RMDN3: variants seen among roughly 807,000 people sequenced by gnomAD.
RMDN3 encodes regulator of microtubule dynamics 3.
Under a neutral mutation model 61.8 loss-of-function variants are expected in RMDN3, and 41 were observed. The ratio of observed to expected loss-of-function variants is 0.66; its 90% CI spans 0.52 to 0.86. The LOEUF is 0.86. Ranked by LOEUF, RMDN3 falls within the 40% of genes least tolerant of loss-of-function variation. The pLI, the probability that RMDN3 is intolerant of heterozygous loss-of-function variation, is 0.00. For missense variants in RMDN3, 557 were observed against 585.3 expected, an observed-to-expected ratio of 0.95 and a Z score of 0.50; for synonymous variants, 247 against 232.0, an observed-to-expected ratio of 1.06 and a Z score of -0.59.
intron 5 of RMDN3, 126 bp downstream of exon 5, chr15:40,744,851 A>C (rs1469251528): frequency 6.6e-6 from 7 of 1,055,598 alleles, no homozygotes; most frequent in East Asian, 2.6e-5. Flanking sequence ...CAGCTGTCTC[A>C]CCATTTCTCG....
chr15:40,743,285 ATGGCATG>A (rs1244422933), intron 6 of RMDN3, among the ~76,000 whole-genome samples: 1 of 152,062 alleles, frequency 6.6e-6, no homozygotes, highest in African/African-American at 2.4e-5. Context: ...GTCGGGTATG[ATGGCATG>A]TGCTTGTAAT....
intron 3 of RMDN3, 86 bp from the exon 4 acceptor site, chr15:40,751,655 G>C: frequency 2.6e-6 from 4 of 1,566,610 alleles, no homozygotes; most frequent in Non-Finnish European, 3.5e-6. Flanking sequence ...TCTTACTACT[G>C]CTCCTCATTA....
At chr15:40,749,399 C>T (rs1897716655) in intron 4 of RMDN3, among the ~76,000 whole-genome samples, 1 of 152,186 alleles carries the variant, frequency 6.6e-6, no homozygotes. Flanking sequence ...TGCCTGTAGT[C>T]CCAGCTATTC....
intron 4 of RMDN3, among the ~76,000 whole-genome samples, chr15:40,749,513 TCAAAA>T (rs919815458): frequency 1.3e-5 from 2 of 152,126 alleles, no homozygotes; most frequent in East Asian, 1.9e-4. Flanking sequence ...AGACCCTGTC[TCAAAA>T]CAAAACAAAA....
chr15:40,737,591 C>T (rs758361710), intron 10 of RMDN3, 37 bp downstream of exon 10: 1 of 1,553,880 alleles, frequency 6.4e-7, no homozygotes, highest in South Asian at 1.1e-5. Flanking sequence ...AACAAGGTTA[C>T]CCTGGTGTTT....
rs1332953087 is a variant in RMDN3, at chr15:40,752,111, T to TTCC, written c.252_254dup (p.Glu85dup). 3.5e-5 allele frequency: 57 copies of TTCC among 1,614,174 alleles called. No individual in the cohort carries two copies. Among genetic ancestry groups the TTCC allele is most frequent in the Non-Finnish European group, 4.8e-5 (57 of 1,180,026 alleles). On this transcript the variant is annotated inframe_insertion, in exon 3 of 13. Transcript: ENST00000338376. ...GGCGGTCCAGCACCTTCTCCTGTCC[T>TTCC]TCCCGTGGAAGGCTGGGCAGCACTG...
rs371225125 is a variant in RMDN3, at chr15:40,747,753, G to A, written c.525-2494C>T. 2.6e-4 allele frequency: 40 copies of A among 152,190 alleles called. No individual in the cohort carries two copies. The East Asian group carries it at 2.9e-3, about 11-fold the overall frequency. 9.4% of individuals were successfully genotyped at this position (152,190 alleles called of 1,614,324 possible). A position where few individuals can be genotyped will look rare whatever the true frequency, so the allele number is the denominator to read the frequency against. The stretch of plus-strand genomic sequence containing the variant: ...AGAGACCCAAGGCTCCCTCTGAGCA[G>A]AGACTGCCACTCTACTCTTAAGCAG... On this transcript the variant is annotated intron_variant, in intron 4 of 12. Coordinates refer to ENST00000338376, the MANE Select transcript of RMDN3 (RefSeq NM_018145.3).
At chr15:40,751,731 G>C in intron 3 of RMDN3, 162 bp from the exon 4 acceptor site, 1 of 1,086,800 alleles carries the variant, frequency 9.2e-7, no homozygotes, top group Non-Finnish European at 1.4e-6. Flanking sequence ...GCAGCTTCCT[G>C]GGCCCAGCCC....
rs1567064648 is a variant in RMDN3, at chr15:40,744,128, G to GA, written c.828dup (p.Leu277SerfsTer10). 5 of 1,613,530 alleles carry GA rather than the reference G, an allele frequency of 3.1e-6. No individual in the cohort carries two copies. Among genetic ancestry groups the GA allele is most frequent in the Admixed American group, 1.7e-5 (1 of 60,030 alleles). ...CTGTAGGCTCGGGCCAGGCGCCAGA[G>GA]AAAGTCCTGCCGGCTTCCATACTGC... On this transcript the variant is annotated frameshift_variant, in exon 6 of 13. Coordinates refer to ENST00000338376, the MANE Select transcript of RMDN3 (RefSeq NM_018145.3). LOFTEE classifies it high-confidence loss of function.
intron 6 of RMDN3, 135 bp from the exon 7 acceptor site, chr15:40,740,328 C>T (rs1458805121): frequency 5.7e-6 from 4 of 702,400 alleles, no homozygotes; most frequent in South Asian, 1.5e-5. Flanking sequence ...TAGTTGTGAA[C>T]TTGAGCAGAA....
chr15:40,752,216 G>A lies in RMDN3; in HGVS notation c.188-38C>T, dbSNP rs199775136. 21 of 1,590,506 alleles carry A rather than the reference G, an allele frequency of 1.3e-5. No homozygotes were observed. In the East Asian group the frequency reaches 3.8e-4, roughly 29 times the overall value. Reference sequence around the variant, plus strand: ...ACGAATGGGAGCCAGTGACACACAGGAATATGGTGGGGAAGAGATCTCACA... The same window carrying A: ...ACGAATGGGAGCCAGTGACACACAGAAATATGGTGGGGAAGAGATCTCACA... On this transcript the variant is annotated intron_variant, in intron 2 of 12. Transcript: ENST00000338376.
chr15:40,739,781 G>T (rs1897207356), intron 7 of RMDN3: 2 of 236,396 alleles, frequency 8.5e-6, no homozygotes, highest in Non-Finnish European at 1.7e-5. Context: ...ACACGCAGGG[G>T]AAAGAAGAGC....
chr15:40,738,296 G>A (rs1897143242), intron 8 of RMDN3, among the ~76,000 whole-genome samples: 1 of 152,116 alleles, frequency 6.6e-6, no homozygotes, highest in African/African-American at 2.4e-5. Context: ...GCTGAGGCAG[G>A]AGAATCGCTT....
Position 40,740,192 on chromosome 15 carries a change from T to A in RMDN3, c.912A>T (p.Gly304=). The A allele has an allele frequency of 6.2e-7, 1 of 1,608,854 alleles. No individual in the cohort carries two copies. Among genetic ancestry groups the A allele is most frequent in the Non-Finnish European group, 8.5e-7 (1 of 1,175,944 alleles). ...VSEKKSYALD[G]KEEAEAALEK... The stretch of plus-strand genomic sequence containing the variant: ...CCAGAGCAGCCTCTGCTTCTTCTTT[T>A]CCTGTAGGACGAAGGTAGATCCAGA... The change falls in exon 7 of 13, where the codon GGA becomes GGT. Residue 304 remains glycine (G), a splice_region_variant and synonymous_variant. Transcript: ENST00000338376.
chr15:40,754,750 C>A lies in RMDN3; in HGVS notation c.34G>T (p.Ala12Ser). Reference protein sequence around the residue: ...SRLGALGGARAGLGLLLGTAA... With the variant: ...SRLGALGGARSGLGLLLGTAA... ...GTACCCAGCAACAGTCCCAGCCCGG[C>A]ACGGGCACCACCCAGGGCTCCCAGT... is the stretch of plus-strand genomic sequence containing the variant. Residue 12 changes from alanine (A) to serine (S), a missense_variant, in exon 2 of 13, where the codon GCC (alanine) becomes TCC (serine). Ala to Ser is a moderately conservative substitution (Grantham distance 99). Transcript: ENST00000338376. 6.2e-7 allele frequency: 1 copy of A among 1,611,252 alleles called. No homozygotes were observed. The highest frequency in any genetic ancestry group is 8.5e-7 in the Non-Finnish European group (1 of 1,179,228).
chr15:40,746,210 TC>T (rs1192599949), intron 4 of RMDN3, among the ~76,000 whole-genome samples: 2 of 152,112 alleles, frequency 1.3e-5, no homozygotes, highest in Non-Finnish European at 1.5e-5. Flanking sequence ...AGGTAGGACT[TC>T]TGGGGGTCAG....
intron 2 of RMDN3, 82 bp from the exon 3 acceptor site, chr15:40,752,260 C>G: frequency 7.2e-7 from 1 of 1,397,572 alleles, no homozygotes; most frequent in Non-Finnish European, 9.8e-7. Flanking sequence ...TCAAGAATAC[C>G]TGCTTTCCAT....
intron 2 of RMDN3, among the ~76,000 whole-genome samples, chr15:40,752,754 A>C (rs1897882675): frequency 1.3e-5 from 2 of 152,216 alleles, no homozygotes; most frequent in African/African-American, 4.8e-5. Context: ...ACCGTCACTA[A>C]GCCCTGCTGA....
At chr15:40,744,300 C>A (rs1024169163) in intron 5 of RMDN3, 151 bp from the exon 6 acceptor site, 3 of 646,920 alleles carry the variant, frequency 4.6e-6, no homozygotes, top group Non-Finnish European at 5.5e-6. Context: ...AGCCTTCCCC[C>A]CAGTCATCCC....
Sources: gnomAD v4.1 joint callset for allele counts (sites outside exome capture counted in the v4.1 genomes callset) on GRCh38, gnomAD v4.1.1 for gene constraint, MANE v1.5 for transcripts, NCBI Gene and HGNC (gene_info 2026-07-23, HGNC 2026-07-21) for gene names.